CFAP74: variants seen among roughly 807,000 people sequenced by gnomAD.
CFAP74 encodes the protein cilia- and flagella-associated protein 74.
CFAP74 carries 124 observed loss-of-function variants against 188.9 expected under a neutral mutation model. The ratio of observed to expected loss-of-function variants is 0.66; its 90% confidence interval spans 0.57 to 0.76. The LOEUF is 0.76. CFAP74 is among the 30% of genes least tolerant of loss of function. CFAP74 has a pLI of 0.00. For synonymous variants in CFAP74, 956 were observed against 916.7 expected (o/e 1.04, Z -0.77); for missense variants, 2,198 against 2,165.2 (o/e 1.02, Z -0.30).
intron 8 of CFAP74, 105 bp downstream of exon 8, chr1:1,972,832 G>C: frequency 2.4e-6 from 2 of 825,600 alleles, no homozygotes; most frequent in East Asian, 2.7e-5. Flanking sequence ...ACAGAGCAAG[G>C]CTCCATCTTA....
chr1:1,927,676 T>C lies in CFAP74; in HGVS notation c.3458A>G (p.Asn1153Ser). 1 of 1,550,148 alleles carries C rather than the reference T, an allele frequency of 6.5e-7. No individual in the cohort carries two copies. The highest frequency in any genetic ancestry group is 2.4e-5 in the East Asian group (1 of 40,902). ...AGAGACTTTGAACAGCTTGTCGCGG[T>C]TCTGTGCTCGAAGAACGGAGAATGA... ...GLSFSVLRAQ[N>S]RDKLFKVSVP... Residue 1153 changes from asparagine to serine, a missense_variant, in exon 28 of 39, where the codon AAC (asparagine) becomes AGC (serine). Physicochemically the swap from Asn to Ser is conservative, Grantham distance 46. Coordinates refer to ENST00000682832, the MANE Select transcript of CFAP74 (RefSeq NM_001304360.2).
rs1336033290 is a variant in CFAP74, at chr1:1,955,692, T to A, written c.2175A>T (p.Ala725=). The change falls in exon 18 of 39, where the codon GCA becomes GCT. Residue 725 remains alanine, a splice_region_variant and synonymous_variant. Coordinates refer to ENST00000682832, the MANE Select transcript of CFAP74 (RefSeq NM_001304360.2). ...GCTTGGCCTGGCAGCCTGGCTCACC[T>A]GCGGGCTGCTCCTCCTCCTGCTCCT... is the stretch of plus-strand genomic sequence containing the variant. ...LDKEQEEEQP[A]EPERLTTVIP... The A allele has an allele frequency of 3.8e-6, 6 of 1,597,234 alleles. No homozygotes were observed. Among genetic ancestry groups the A allele is most frequent in the Non-Finnish European group, 5.1e-6 (6 of 1,169,408 alleles).
At position 1,974,150 on chromosome 1, in the gene CFAP74, G is replaced by T; in HGVS notation, c.549C>A (p.Phe183Leu). Residue 183 changes from phenylalanine to leucine, a missense_variant, in exon 7 of 39, where the codon TTC (phenylalanine) becomes TTA (leucine). Transcript: ENST00000682832. The stretch of plus-strand genomic sequence containing the variant: ...CCACCTCCTCACGGTCAGCTGTCCG[G>T]AAGGCCTCGAGTCGCCCCTCCTGGA... ...IEIQEGRLEA[F>L]RTADREEVEA... 1 of 1,611,966 alleles carries T rather than the reference G, an allele frequency of 6.2e-7. No individual in the cohort carries two copies. The highest frequency in any genetic ancestry group is 8.5e-7 in the Non-Finnish European group (1 of 1,178,976).
At chr1:1,953,252 G>A (rs560088191) in intron 18 of CFAP74, 1 of 151,650 alleles carries the variant, frequency 6.6e-6, no homozygotes, top group Admixed American at 6.6e-5. Context: ...AGAAAAAAGA[G>A]GCGAGAACTA....
intron 18 of CFAP74, among the ~76,000 whole-genome samples, chr1:1,950,376 A>G (rs1174520711): frequency 4.3e-5 from 6 of 140,422 alleles, no homozygotes; most frequent in Non-Finnish European, 7.6e-5. Context: ...ATTCACTCTC[A>G]TTGCCCAGGC....
At chr1:1,996,983 G>A (rs1657949719) in intron 1 of CFAP74, among the ~76,000 whole-genome samples, 1 of 149,042 alleles carries the variant, frequency 6.7e-6, no homozygotes, top group Middle Eastern at 3.2e-3. Flanking sequence ...ATGTGATAGA[G>A]TATATATATA....
intron 25 of CFAP74, among the ~76,000 whole-genome samples, chr1:1,932,664 G>A (rs1652508895): frequency 6.6e-6 from 1 of 151,126 alleles, no homozygotes; most frequent in South Asian, 2.1e-4. Flanking sequence ...CATGATCTCG[G>A]CTCACTGCAA....
At chr1:1,930,385 C>T (rs1426917568) in intron 25 of CFAP74, 49 bp from the exon 26 acceptor site, 1 of 1,467,368 alleles carries the variant, frequency 6.8e-7, no homozygotes, top group Non-Finnish European at 9.0e-7. Context: ...GCGTCCGTGT[C>T]CCTCTGCGGC....
Position 1,926,323 on chromosome 1 carries a change from T to TG in CFAP74, c.3852dup (p.Asn1285GlnfsTer64). ...TGGTTCAGCAGGACAAAGGGGCCGTTGGGGTTCAGCAGGGAGAAGTCCAGC... is the reference window on the plus strand; with the variant it reads ...TGGTTCAGCAGGACAAAGGGGCCGTTGGGGGTTCAGCAGGGAGAAGTCCAGC... On this transcript the variant is annotated frameshift_variant, in exon 32 of 39. Coordinates refer to ENST00000682832, the MANE Select transcript of CFAP74 (RefSeq NM_001304360.2). LOFTEE classifies it high-confidence loss of function. The TG allele has an allele frequency of 6.5e-7, 1 of 1,547,856 alleles. No individual in the cohort carries two copies. Among genetic ancestry groups the TG allele is most frequent in the Non-Finnish European group, 8.7e-7 (1 of 1,145,530 alleles).
intron 1 of CFAP74, among the ~76,000 whole-genome samples, chr1:1,996,443 C>T (rs1472134936): frequency 6.6e-6 from 1 of 152,208 alleles, no homozygotes; most frequent in Non-Finnish European, 1.5e-5. Context: ...GGGACACATT[C>T]TAACCGCATG....
rs545631559 is a variant in CFAP74 at position 1,986,510 on chromosome 1, A to G, written c.395+427T>C. Among the ~76,000 whole-genome samples the G allele has an allele frequency of 5.3e-5, 8 of 152,276 alleles. No individual in the cohort carries two copies. The South Asian group carries it at 1.7e-3, about 32-fold the overall frequency. On this transcript the variant is annotated intron_variant, in intron 5 of 38. Coordinates refer to ENST00000682832, the MANE Select transcript of CFAP74 (RefSeq NM_001304360.2). ...AGGCACCTGGTGCCCCCAGAGGGTG[A>G]GGCGAGGCCAGAGCTGCAGCCGTGG... is the stretch of plus-strand genomic sequence containing the variant.
intron 6 of CFAP74, among the ~76,000 whole-genome samples, chr1:1,983,503 G>T (rs375580567): frequency 2.0e-5 from 3 of 152,160 alleles, no homozygotes; most frequent in Non-Finnish European, 4.4e-5. Context: ...CCTCAGAACC[G>T]CAACGTCCGC....
At chr1:1,991,911 G>C (rs1436864971) in intron 1 of CFAP74, among the ~76,000 whole-genome samples, 2 of 151,178 alleles carry the variant, frequency 1.3e-5, no homozygotes, top group African/African-American at 4.9e-5. Flanking sequence ...ATGGTGGCAG[G>C]CGCCTGCGGT....
At chr1:1,934,445 ATTAGGT>A (rs1652676869) in intron 25 of CFAP74, among the ~76,000 whole-genome samples, 2 of 108,110 alleles carry the variant, frequency 1.8e-5, no homozygotes, top group African/African-American at 3.6e-5. Flanking sequence ...ACATGTGTGT[ATTAGGT>A]TGTAGGTACA....
At chr1:1,937,422 C>T (rs1652976048) in intron 25 of CFAP74, among the ~76,000 whole-genome samples, 1 of 152,182 alleles carries the variant, frequency 6.6e-6, no homozygotes, top group South Asian at 2.1e-4. Flanking sequence ...TCAAGGACCA[C>T]AGAGATGGAG....
At chr1:1,981,912 C>T (rs1172224872) in intron 6 of CFAP74, among the ~76,000 whole-genome samples, 3 of 80,454 alleles carry the variant, frequency 3.7e-5, no homozygotes, top group Non-Finnish European at 7.3e-5. Context: ...CACGGGGGCA[C>T]GCAGGACACA....
In CFAP74 at chr1:1,923,766, G is replaced by T; in HGVS notation, c.4389+9C>A. 6.2e-7 allele frequency: 1 copy of T among 1,613,260 alleles called. No homozygotes were observed. Among genetic ancestry groups the T allele is most frequent in the Non-Finnish European group, 8.5e-7 (1 of 1,179,852 alleles). On this transcript the variant is annotated intron_variant, in intron 35 of 38. Transcript: ENST00000682832. The surrounding 1 kb of genome is among the most constrained non-coding windows in gnomAD (Gnocchi z 6.3). ...GGGCCGGGCTGAGCTTGCAGAGCCAGAGCCGCACCTTTTCAAAGAGCACCA... is the reference window on the plus strand; with the variant it reads ...GGGCCGGGCTGAGCTTGCAGAGCCATAGCCGCACCTTTTCAAAGAGCACCA...
intron 12 of CFAP74, 148 bp from the exon 13 acceptor site, chr1:1,965,209 C>A: frequency 1.3e-6 from 1 of 766,942 alleles, no homozygotes; most frequent in Non-Finnish European, 2.0e-6. Context: ...GGAAGAGCCC[C>A]ATGGCCCGGG....
Position 1,923,256 on chromosome 1 carries a change from G to A in CFAP74, c.4522+111C>T. On this transcript the variant is annotated intron_variant, in intron 36 of 38. Coordinates refer to ENST00000682832, the MANE Select transcript of CFAP74 (RefSeq NM_001304360.2). The surrounding 1 kb of genome is among the most constrained non-coding windows in gnomAD (Gnocchi z 6.3). ...CAGTGGCTGTCCTGCTTGGCTCTGG[G>A]GTAGAAGGCTGGGAATCCCTGCCCT... 6.7e-7 allele frequency: 1 copy of A among 1,493,456 alleles called. No individual in the cohort carries two copies. Among genetic ancestry groups the A allele is most frequent in the Non-Finnish European group, 9.0e-7 (1 of 1,112,234 alleles). 92.5% of individuals were successfully genotyped at this position (1,493,456 alleles called of 1,614,324 possible).
Sources: gnomAD v4.1 joint callset for allele counts (sites outside exome capture counted in the v4.1 genomes callset) on GRCh38, gnomAD v4.1.1 for gene constraint, Gnocchi (gnomAD v3.1) non-coding constraint, MANE v1.5 for transcripts, NCBI Gene and HGNC (gene_info 2026-07-23, HGNC 2026-07-21) for gene names.